FAM168A: variants seen among roughly 807,000 people sequenced by gnomAD.
The protein encoded by FAM168A is family with sequence similarity 168 member A.
FAM168A carries 3 observed loss-of-function variants against 28.5 expected under a neutral mutation model. The observed-to-expected ratio is 0.11, with a 90% CI of 0.05 to 0.27. The LOEUF (loss-of-function observed/expected upper bound fraction) is 0.27, where lower values mean the gene tolerates loss of function less well. FAM168A is among the 10% of genes least tolerant of loss of function. The pLI is 1.00. For missense variants in FAM168A, 222 were observed against 311.5 expected, an observed-to-expected ratio of 0.71 and a Z score of 2.16; for synonymous variants, 122 against 124.2, an observed-to-expected ratio of 0.98 and a Z score of 0.12.
At chr11:73,533,501 AG>A (rs1943540477) in intron 1 of FAM168A, among the ~76,000 whole-genome samples, 1 of 152,154 alleles carries the variant, frequency 6.6e-6, no homozygotes, top group African/African-American at 2.4e-5. Context: ...GTAGGAGAAA[AG>A]TGACCAAGTA....
chr11:73,538,214 A>G (rs1442784012), intron 1 of FAM168A, among the ~76,000 whole-genome samples: 2 of 152,176 alleles, frequency 1.3e-5, no homozygotes, highest in Non-Finnish European at 2.9e-5. Flanking sequence ...CACTCAACAC[A>G]GTCTGCTGAA....
chr11:73,551,111 A>C (rs1396726549), intron 1 of FAM168A, among the ~76,000 whole-genome samples: 1 of 114,874 alleles, frequency 8.7e-6, no homozygotes, highest in East Asian at 2.0e-4. Flanking sequence ...ACTCTGTCTC[A>C]AAAAAAAAAA....
At chr11:73,526,014 G>A (rs1235041610) in intron 1 of FAM168A, among the ~76,000 whole-genome samples, 3 of 152,086 alleles carry the variant, frequency 2.0e-5, no homozygotes, top group Non-Finnish European at 4.4e-5. Flanking sequence ...GTAGTATGCT[G>A]TTTTTTTGAA....
chr11:73,503,197 G>C (rs1855044685), intron 1 of FAM168A, among the ~76,000 whole-genome samples: 1 of 152,198 alleles, frequency 6.6e-6, no homozygotes, highest in African/African-American at 2.4e-5. Context: ...AATAGGAAGA[G>C]AGGAAGTCAA....
At position 73,402,807 on chromosome 11, in the gene FAM168A, C is replaced by T. The variant is rs758551639; in HGVS notation, c.*3956G>A. The T allele has an allele frequency of 6.6e-6, 1 of 152,292 alleles. No homozygotes were observed. Among genetic ancestry groups the T allele is most frequent in the African/African-American group, 2.4e-5 (1 of 41,466 alleles). The allele number at this position is 152,292 out of a possible 1,614,324, so 9.4% of individuals were successfully genotyped here. A position where few individuals can be genotyped will look rare whatever the true frequency, so the allele number is the denominator to read the frequency against. The stretch of plus-strand genomic sequence containing the variant: ...GCCTTTAGTTGCAAATTCTCATCCT[C>T]CTTGTGCTGCCAGTTAGATGTGCCT... On this transcript the variant is annotated 3_prime_UTR_variant, in exon 8 of 8. Transcript: ENST00000356467.
intron 1 of FAM168A, among the ~76,000 whole-genome samples, chr11:73,570,825 T>G (rs1944077760): frequency 6.6e-6 from 1 of 152,038 alleles, no homozygotes; most frequent in Non-Finnish European, 1.5e-5. Flanking sequence ...TCAGTTGACA[T>G]TATTATATAT....
rs368547507 is a variant in FAM168A at position 73,495,543 on chromosome 11, G to A, written c.-18-27051C>T. ...GAGTGACATCTCCAGGCATGGGAGC[G>A]AATCAGATGGATAGGGGTACTATTT... On this transcript the variant is annotated intron_variant, in intron 1 of 7. Coordinates refer to ENST00000356467, the MANE Select transcript of FAM168A (RefSeq NM_015159.3). 2.5e-4 allele frequency among the ~76,000 whole-genome samples: 38 copies of A among 152,242 alleles called. No individual in the cohort carries two copies. In the East Asian group the frequency reaches 5.6e-3, roughly 22 times the overall value.
In FAM168A at chr11:73,483,462, T is replaced by G. The variant is rs548494629; in HGVS notation, c.-18-14970A>C. On this transcript the variant is annotated intron_variant, in intron 1 of 7. Coordinates refer to ENST00000356467, the MANE Select transcript of FAM168A (RefSeq NM_015159.3). The stretch of plus-strand genomic sequence containing the variant: ...TTAATATAAAGAATTGCTATGAAGA[T>G]GCTATGGAGGATAAAAGTAACAAAG... Among the ~76,000 whole-genome samples the G allele has an allele frequency of 5.3e-5, 8 of 152,344 alleles. No individual in the cohort carries two copies. The East Asian group carries it at 1.5e-3, about 29-fold the overall frequency.
intron 3 of FAM168A, among the ~76,000 whole-genome samples, chr11:73,429,911 G>A (rs1161497649): frequency 6.6e-6 from 1 of 152,122 alleles, no homozygotes. Context: ...CAACCCTGAG[G>A]CAGGTAGTCA....
intron 1 of FAM168A, among the ~76,000 whole-genome samples, chr11:73,495,539 G>C (rs1445275190): frequency 6.6e-6 from 1 of 152,156 alleles, no homozygotes; most frequent in African/African-American, 2.4e-5. Flanking sequence ...CCAGGCATGG[G>C]AGCGAATCAG....
chr11:73,538,839 C>G (rs567844601), intron 1 of FAM168A, among the ~76,000 whole-genome samples: 1 of 152,180 alleles, frequency 6.6e-6, no homozygotes, highest in Non-Finnish European at 1.5e-5. Flanking sequence ...GGGGCTGAGG[C>G]AAAGACTCAG....
intron 1 of FAM168A, among the ~76,000 whole-genome samples, chr11:73,557,390 GTT>G (rs1038257830): frequency 6.8e-6 from 1 of 146,740 alleles, no homozygotes; most frequent in African/African-American, 2.5e-5. Context: ...TCCTGGCTAA[GTT>G]TTTTTTTTTT....
At chr11:73,526,073 A>G (rs1178606244) in intron 1 of FAM168A, among the ~76,000 whole-genome samples, 3 of 152,208 alleles carry the variant, frequency 2.0e-5, no homozygotes, top group African/African-American at 7.2e-5. Flanking sequence ...CTAGGGATGC[A>G]CAAAGTTTCA....
At chr11:73,449,834 A>G (rs1369519422) in intron 2 of FAM168A, among the ~76,000 whole-genome samples, 1 of 152,210 alleles carries the variant, frequency 6.6e-6, no homozygotes, top group Non-Finnish European at 1.5e-5. Flanking sequence ...GTAGACAGAG[A>G]CCTTTGGAGG....
chr11:73,484,320 T>A (rs1224052866), intron 1 of FAM168A, among the ~76,000 whole-genome samples: 2 of 152,062 alleles, frequency 1.3e-5, no homozygotes. Flanking sequence ...TGAGCTTTCA[T>A]AGTCCTTACA....
intron 1 of FAM168A, among the ~76,000 whole-genome samples, chr11:73,476,606 T>C (rs1396898516): frequency 1.3e-5 from 2 of 151,850 alleles, no homozygotes; most frequent in Non-Finnish European, 2.9e-5. Flanking sequence ...CAGGTAACAA[T>C]AAATTTTGTT....
At chr11:73,521,226 C>T (rs1943371120) in intron 1 of FAM168A, among the ~76,000 whole-genome samples, 1 of 152,152 alleles carries the variant, frequency 6.6e-6, no homozygotes, top group African/African-American at 2.4e-5. Context: ...TTCCAGTTAG[C>T]CCCATAAAAG....
chr11:73,497,877 T>C (rs915401669), intron 1 of FAM168A, among the ~76,000 whole-genome samples: 10 of 152,224 alleles, frequency 6.6e-5, no homozygotes, highest in Admixed American at 5.2e-4. Context: ...GTTAGGCACA[T>C]GTACCCTAGA....
intron 1 of FAM168A, among the ~76,000 whole-genome samples, chr11:73,576,088 G>A (rs1358046905): frequency 6.6e-6 from 1 of 152,104 alleles, no homozygotes; most frequent in East Asian, 1.9e-4. Context: ...CAAATATTTT[G>A]GTATTAGATA....
Sources: allele counts gnomAD v4.1 joint callset (sites outside exome capture counted in the v4.1 genomes callset), GRCh38; gene constraint gnomAD v4.1.1; transcripts MANE v1.5; gene names NCBI Gene and HGNC (gene_info 2026-07-23, HGNC 2026-07-21).